Variants in DTD1 observed in about 807,000 individuals in gnomAD.
The protein encoded by DTD1 is D-tyrosyl-tRNA deacylase 1 homolog.
DTD1 carries 13 observed loss-of-function variants against 25.6 expected under a neutral mutation model. The observed-to-expected ratio is 0.51, with a 90% CI of 0.33 to 0.81. The LOEUF is 0.81. DTD1 is among the 30% of genes least tolerant of loss of function. The probability of loss-of-function intolerance (pLI) is 0.02; values close to 1 mark genes in which losing one functional copy is unlikely to be tolerated. For synonymous variants in DTD1, 110 were observed against 103.6 expected (o/e 1.06, Z -0.37); for missense variants, 193 against 266.4 (o/e 0.72, Z 1.92).
At chr20:18,732,638 G>T (rs1407355978) in intron 4 of DTD1, among the ~76,000 whole-genome samples, 1 of 152,224 alleles carries the variant, frequency 6.6e-6, no homozygotes, top group South Asian at 2.1e-4. Context: ...CACTGGGAGT[G>T]TTAGAAGTGC....
intron 3 of DTD1, among the ~76,000 whole-genome samples, chr20:18,607,082 G>T (rs576169179): frequency 2.8e-4 from 43 of 152,218 alleles, no homozygotes; most frequent in Non-Finnish European, 5.7e-4. Context: ...AACCAGCTTT[G>T]CATACCTGGG....
At chr20:18,661,966 A>G (rs1261621366) in intron 4 of DTD1, among the ~76,000 whole-genome samples, 1 of 152,168 alleles carries the variant, frequency 6.6e-6, no homozygotes, top group Non-Finnish European at 1.5e-5. Context: ...AGCCTGGGCA[A>G]CATAGTGAGA....
intron 4 of DTD1, among the ~76,000 whole-genome samples, chr20:18,708,514 C>T (rs1330071729): frequency 2.0e-5 from 3 of 149,016 alleles, no homozygotes; most frequent in East Asian, 4.0e-4. Flanking sequence ...CACAACCACA[C>T]CTGGCTAATT....
At chr20:18,748,192 C>G (rs1190854099) in intron 5 of DTD1, among the ~76,000 whole-genome samples, 1 of 152,120 alleles carries the variant, frequency 6.6e-6, no homozygotes, top group Non-Finnish European at 1.5e-5. Context: ...CACACACACA[C>G]ACACACAAAT....
chr20:18,708,274 TATA>T lies in DTD1; in HGVS notation c.478-35822_478-35820del, dbSNP rs1568676892. On this transcript the variant is annotated intron_variant, in intron 4 of 5. Coordinates refer to ENST00000377452, the MANE Select transcript of DTD1 (RefSeq NM_080820.6). ...ATATTATATATATATTTTATATATATATAATATATATTATATATATATAATATA... is the reference window on the plus strand; with the variant it reads ...ATATTATATATATATTTTATATATATATATATATTATATATATATAATATA... Among the ~76,000 whole-genome samples the T allele has an allele frequency of 7.2e-3, 129 of 17,924 alleles. 9 individuals carry two copies. Among genetic ancestry groups the T allele is most frequent in the Non-Finnish European group, 0.012 (92 of 7,754 alleles). The allele number at this position is 17,924 out of a possible 152,430, so 11.8% of individuals were successfully genotyped here. A position where few individuals can be genotyped will look rare whatever the true frequency, so the allele number is the denominator to read the frequency against.
chr20:18,651,228 T>G (rs1012465026), intron 4 of DTD1, among the ~76,000 whole-genome samples: 6 of 152,244 alleles, frequency 3.9e-5, no homozygotes, highest in Non-Finnish European at 7.3e-5. Flanking sequence ...CTTGGCTCAC[T>G]GCAACCTCTG....
intron 5 of DTD1, among the ~76,000 whole-genome samples, chr20:18,762,477 A>G (rs1169450648): frequency 6.6e-6 from 1 of 152,192 alleles, no homozygotes; most frequent in Non-Finnish European, 1.5e-5. Flanking sequence ...AAAATGTCGC[A>G]AGACTAAGCA....
intron 4 of DTD1, among the ~76,000 whole-genome samples, chr20:18,692,625 G>T (rs2061051852): frequency 1.3e-5 from 2 of 152,200 alleles, no homozygotes; most frequent in African/African-American, 4.8e-5. Context: ...TAAAGGCAGA[G>T]CCATCTGGGC....
At chr20:18,627,075 T>C (rs1488696168) in intron 3 of DTD1, among the ~76,000 whole-genome samples, 1 of 152,240 alleles carries the variant, frequency 6.6e-6, no homozygotes, top group Non-Finnish European at 1.5e-5. Flanking sequence ...AAAGTCATCA[T>C]TTTTTGAGCA....
intron 4 of DTD1, among the ~76,000 whole-genome samples, chr20:18,660,764 A>C (rs1476675855): frequency 6.6e-6 from 1 of 152,226 alleles, no homozygotes. Context: ...AGAAGAAAAA[A>C]GTTAGGCTAG....
chr20:18,659,681 C>T (rs2060902138), intron 4 of DTD1, among the ~76,000 whole-genome samples: 1 of 152,016 alleles, frequency 6.6e-6, no homozygotes, highest in Non-Finnish European at 1.5e-5. Flanking sequence ...CATGTTCTCA[C>T]TCATAAGTGG....
chr20:18,677,113 A>G (rs2060979263), intron 4 of DTD1, among the ~76,000 whole-genome samples: 1 of 152,194 alleles, frequency 6.6e-6, no homozygotes. Context: ...GAGCAAGTAA[A>G]TATTTTCTTA....
intron 4 of DTD1, chr20:18,632,186 G>A (rs2060791164): frequency 1.0e-6 from 1 of 985,246 alleles, no homozygotes; most frequent in Admixed American, 6.2e-5. Context: ...AAATCCTCAA[G>A]TAGGCATTTT....
chr20:18,657,841 A>T (rs899277374), intron 4 of DTD1, among the ~76,000 whole-genome samples: 20 of 152,176 alleles, frequency 1.3e-4, no homozygotes, highest in African/African-American at 4.8e-4. Context: ...GACGTGGCTT[A>T]TGACATGGTG....
At chr20:18,619,520 G>T (rs2060724436) in intron 3 of DTD1, among the ~76,000 whole-genome samples, 1 of 152,026 alleles carries the variant, frequency 6.6e-6, no homozygotes, top group Non-Finnish European at 1.5e-5. Context: ...CGCCTCCTGG[G>T]TTCACACGAT....
intron 5 of DTD1, among the ~76,000 whole-genome samples, chr20:18,754,704 TC>T (rs1435199116): frequency 5.3e-5 from 8 of 152,234 alleles, no homozygotes; most frequent in Non-Finnish European, 1.2e-4. Flanking sequence ...CTCCAGCTAC[TC>T]CCAGTTGATG....
chr20:18,591,935 C>T (rs1217045910), intron 1 of DTD1, among the ~76,000 whole-genome samples: 1 of 152,092 alleles, frequency 6.6e-6, no homozygotes, highest in Non-Finnish European at 1.5e-5. Flanking sequence ...ATAAGAAAAG[C>T]AGCACAGAAG....
At chr20:18,669,889 G>C (rs1342493503) in intron 4 of DTD1, among the ~76,000 whole-genome samples, 2 of 152,136 alleles carry the variant, frequency 1.3e-5, no homozygotes, top group Non-Finnish European at 2.9e-5. Flanking sequence ...TCCATTGGGG[G>C]TAAAGATCAA....
chr20:18,725,229 A>G (rs2061218933), intron 4 of DTD1, among the ~76,000 whole-genome samples: 1 of 152,224 alleles, frequency 6.6e-6, no homozygotes, highest in East Asian at 1.9e-4. Flanking sequence ...TTGGGTCACC[A>G]GGTCATTAGC....
Sources: allele counts gnomAD v4.1 joint callset (sites outside exome capture counted in the v4.1 genomes callset), GRCh38; gene constraint gnomAD v4.1.1; transcripts MANE v1.5; gene names NCBI Gene and HGNC (gene_info 2026-07-23, HGNC 2026-07-21).